CHCHD6: variants seen among roughly 807,000 people sequenced by gnomAD.
CHCHD6 encodes the protein coiled-coil-helix-coiled-coil-helix domain containing 6, also known as MICOS complex subunit MIC25.
A neutral mutation model predicts 32.3 loss-of-function variants in CHCHD6; 28 were observed. The ratio of observed to expected loss-of-function variants is 0.87; its 90% CI spans 0.64 to 1.19. The LOEUF (loss-of-function observed/expected upper bound fraction) is 1.19, where lower values mean the gene tolerates loss of function less well. CHCHD6 is among the 50% of genes most tolerant of loss of function. The pLI, the probability that CHCHD6 is intolerant of heterozygous loss-of-function variation, is 0.00. For missense variants in CHCHD6, 333 were observed against 307.0 expected (o/e 1.08, Z -0.63); for synonymous variants, 122 against 117.5 (o/e 1.04, Z -0.25).
chr3:126,722,085 A>T (rs1935326702), intron 1 of CHCHD6, among the ~76,000 whole-genome samples: 1 of 152,222 alleles, frequency 6.6e-6, no homozygotes. Context: ...GTGTACAATG[A>T]GAAGTGGAAT....
chr3:126,709,643 A>G (rs1203659263), intron 1 of CHCHD6, among the ~76,000 whole-genome samples: 2 of 152,186 alleles, frequency 1.3e-5, no homozygotes, highest in African/African-American at 2.4e-5. Flanking sequence ...CAATTTCTTC[A>G]TATCTTCACC....
intron 6 of CHCHD6, among the ~76,000 whole-genome samples, chr3:126,929,461 G>A (rs1435757496): frequency 2.6e-5 from 4 of 152,200 alleles, no homozygotes; most frequent in Non-Finnish European, 4.4e-5. Flanking sequence ...TTAGACTTGA[G>A]TACAGGACCT....
At chr3:126,934,237 A>T (rs1225180450) in intron 6 of CHCHD6, among the ~76,000 whole-genome samples, 1 of 152,254 alleles carries the variant, frequency 6.6e-6, no homozygotes, top group Non-Finnish European at 1.5e-5. Flanking sequence ...ATGACTGGTT[A>T]TCTGGGTTCT....
chr3:126,925,231 T>C (rs996955979), intron 6 of CHCHD6, among the ~76,000 whole-genome samples: 2 of 151,906 alleles, frequency 1.3e-5, no homozygotes, highest in Non-Finnish European at 2.9e-5. Flanking sequence ...GTAGACAGAT[T>C]GGAGAGGCTC....
At chr3:126,928,643 A>C (rs924953555) in intron 6 of CHCHD6, among the ~76,000 whole-genome samples, 10 of 152,188 alleles carry the variant, frequency 6.6e-5, no homozygotes, top group African/African-American at 2.4e-4. Context: ...AGGAGAGTGA[A>C]GTCCAGGATT....
chr3:126,766,577 C>T, intron 4 of CHCHD6: 2 of 1,172,412 alleles, frequency 1.7e-6, no homozygotes, highest in East Asian at 4.8e-5. Context: ...ACCTCCTGGG[C>T]TGCAGTGGAA....
chr3:126,753,420 C>T (rs1211817214), intron 4 of CHCHD6, among the ~76,000 whole-genome samples: 1 of 152,212 alleles, frequency 6.6e-6, no homozygotes, highest in Non-Finnish European at 1.5e-5. Flanking sequence ...GGGTGCAGAT[C>T]ATTCCAAAGA....
intron 6 of CHCHD6, among the ~76,000 whole-genome samples, chr3:126,933,970 A>T (rs535988764): frequency 4.6e-5 from 7 of 152,312 alleles, no homozygotes; most frequent in African/African-American, 1.7e-4. Context: ...CGCTCTGCCT[A>T]TAACCAGAGA....
chr3:126,871,867 G>A (rs1419039665), intron 5 of CHCHD6, among the ~76,000 whole-genome samples: 3 of 151,764 alleles, frequency 2.0e-5, no homozygotes, highest in African/African-American at 4.8e-5. Flanking sequence ...GGGTTTCACC[G>A]TGTTAACCAG....
intron 5 of CHCHD6, among the ~76,000 whole-genome samples, chr3:126,892,878 T>C (rs2077783880): frequency 6.6e-6 from 1 of 152,260 alleles, no homozygotes; most frequent in South Asian, 2.1e-4. Flanking sequence ...GATTTGCTTT[T>C]CTCAAATAGT....
intron 1 of CHCHD6, among the ~76,000 whole-genome samples, chr3:126,704,624 T>C (rs1934384890): frequency 6.6e-6 from 1 of 152,120 alleles, no homozygotes; most frequent in Non-Finnish European, 1.5e-5. Flanking sequence ...TGAAGAACTG[T>C]ACAGGTGCGA....
chr3:126,824,560 C>A (rs1294665734), intron 4 of CHCHD6, among the ~76,000 whole-genome samples: 77 of 39,984 alleles, frequency 1.9e-3, no homozygotes, highest in Middle Eastern at 0.031. Flanking sequence ...GACTCTGTCT[C>A]AAAAAAAAAA....
chr3:126,889,628 T>C (rs765527657), intron 5 of CHCHD6, among the ~76,000 whole-genome samples: 5 of 152,232 alleles, frequency 3.3e-5, no homozygotes, highest in Non-Finnish European at 7.3e-5. Context: ...TGGGCCCCCA[T>C]GTTCCTGGCT....
chr3:126,836,424 A>G (rs1158680014), intron 4 of CHCHD6, among the ~76,000 whole-genome samples: 1 of 152,128 alleles, frequency 6.6e-6, no homozygotes, highest in African/African-American at 2.4e-5. Context: ...TTCCCTATGA[A>G]TGAGTCCTCA....
intron 4 of CHCHD6, among the ~76,000 whole-genome samples, chr3:126,802,852 T>A (rs1939153371): frequency 6.6e-6 from 1 of 152,184 alleles, no homozygotes; most frequent in Non-Finnish European, 1.5e-5. Flanking sequence ...CCCATCAGAC[T>A]AACAGCTGAT....
chr3:126,762,845 AC>A (rs1937213308), intron 4 of CHCHD6, among the ~76,000 whole-genome samples: 1 of 152,016 alleles, frequency 6.6e-6, no homozygotes, highest in African/African-American at 2.4e-5. Flanking sequence ...ACTATTTTGT[AC>A]TTAAAGTCTA....
intron 4 of CHCHD6, among the ~76,000 whole-genome samples, chr3:126,783,346 T>G (rs1938043333): frequency 6.6e-6 from 1 of 152,220 alleles, no homozygotes; most frequent in African/African-American, 2.4e-5. Context: ...ACAGCTAATG[T>G]TATACTGAAC....
At chr3:126,772,286 A>G (rs1937557343) in intron 4 of CHCHD6, among the ~76,000 whole-genome samples, 1 of 152,050 alleles carries the variant, frequency 6.6e-6, no homozygotes, top group African/African-American at 2.4e-5. Context: ...TATTTTTAGT[A>G]GAGGCAGGGT....
chr3:126,712,653 A>G (rs539585231), intron 1 of CHCHD6, among the ~76,000 whole-genome samples: 1 of 152,056 alleles, frequency 6.6e-6, no homozygotes, highest in South Asian at 2.1e-4. Flanking sequence ...AGCATCAACC[A>G]CCGTCTCTGC....
Sources: gnomAD v4.1 joint callset for allele counts (sites outside exome capture counted in the v4.1 genomes callset) on GRCh38, gnomAD v4.1.1 for gene constraint, MANE v1.5 for transcripts, NCBI Gene and HGNC (gene_info 2026-07-23, HGNC 2026-07-21) for gene names.